Variants in PTH1R observed in about 807,000 individuals in gnomAD.
The protein encoded by PTH1R is parathyroid hormone/parathyroid hormone-related peptide receptor.
Under a neutral mutation model 70.7 loss-of-function variants are expected in PTH1R, and 32 were observed. The observed-to-expected ratio is 0.45, with a 90% confidence interval of 0.34 to 0.61. The LOEUF (loss-of-function observed/expected upper bound fraction) is 0.61, where lower values mean the gene tolerates loss of function less well. Ranked by LOEUF, PTH1R falls within the 20% of genes least tolerant of loss-of-function variation. The pLI is 0.01. For missense variants in PTH1R, 626 were observed against 792.5 expected (o/e 0.79, Z 2.52); for synonymous variants, 329 against 324.8 (o/e 1.01, Z -0.14).
rs774702999 is a variant in PTH1R at position 46,902,767 on chromosome 3, A to T, written c.1372A>T (p.Ile458Leu). ...NSFQGFFVAIIYCFCNGEVQA... is the reference protein window; with the variant it reads ...NSFQGFFVAILYCFCNGEVQA... ...TTCACAGGGATTTTTTGTCGCAATC[A>T]TATACTGTTTCTGCAATGGCGAGGT... Residue 458 changes from isoleucine (I) to leucine (L), a missense_variant, in exon 15 of 16, where the codon ATA (isoleucine) becomes TTA (leucine). Around this residue, in one of 3 missense-constraint regions of PTH1R, gnomAD observed 495 missense variants for 638.7 expected, o/e 0.77. Coordinates refer to ENST00000449590, the MANE Select transcript of PTH1R (RefSeq NM_000316.3). This position sits in a 1 kb window ranked among gnomAD's most constrained non-coding sequence, Gnocchi z 5.4. 2.2e-5 allele frequency: 35 copies of T among 1,613,382 alleles called. No homozygotes were observed. In the Admixed American group the frequency reaches 5.0e-4, roughly 23 times the overall value.
rs11926707 is a variant in PTH1R, at chr3:46,884,049, T to C, written c.75+415T>C. On this transcript the variant is annotated intron_variant, in intron 3 of 15. Coordinates refer to ENST00000449590, the MANE Select transcript of PTH1R (RefSeq NM_000316.3). The surrounding 1 kb of genome is among the most constrained non-coding windows in gnomAD (Gnocchi z 4.8). ...GTTGCAGTCCCGGACACAGGGAATG[T>C]AGGTCTGAGGTCAGAATCATCCAGG... 0.53 allele frequency among the ~76,000 whole-genome samples: 80,359 copies of C among 152,060 alleles called. 23,074 individuals carry two copies. The highest frequency in any genetic ancestry group is 0.65 in the East Asian group (3,350 of 5,156).
intron 7 of PTH1R, 56 bp from the exon 8 acceptor site, chr3:46,898,322 C>T (rs2031880017): frequency 6.3e-7 from 1 of 1,593,008 alleles, no homozygotes; most frequent in Non-Finnish European, 8.6e-7. Flanking sequence ...TGCTCTTACC[C>T]TGATGCTCTC....
At chr3:46,898,337 G>A in intron 7 of PTH1R, 41 bp from the exon 8 acceptor site, 1 of 1,602,374 alleles carries the variant, frequency 6.2e-7, no homozygotes, top group Non-Finnish European at 8.6e-7. Context: ...GCTCTCCCTG[G>A]GTCCCAGGGC....
chr3:46,892,919 G>A lies in PTH1R; in HGVS notation c.76-988G>A. ...ATGGGGCTGAGGGCTTCACAGCCCC[G>A]CCCTGGGGAGGTTTCAGAGACCGCC... On this transcript the variant is annotated intron_variant, in intron 3 of 15. Transcript: ENST00000449590. This position sits in a 1 kb window ranked among gnomAD's most constrained non-coding sequence, Gnocchi z 5.2. The A allele has an allele frequency of 1.7e-6, 1 of 604,818 alleles. No homozygotes were observed. Among genetic ancestry groups the A allele is most frequent in the Non-Finnish European group, 2.1e-6 (1 of 481,054 alleles). 37.5% of individuals were successfully genotyped at this position (604,818 alleles called of 1,614,324 possible).
chr3:46,898,988 C>T (rs536442743), intron 9 of PTH1R, 131 bp downstream of exon 9: 13 of 739,438 alleles, frequency 1.8e-5, no homozygotes, highest in African/African-American at 1.4e-4. Flanking sequence ...CACTCAAACC[C>T]GTCTTATAGG....
chr3:46,889,222 C>T (rs1395148707), intron 3 of PTH1R, among the ~76,000 whole-genome samples: 1 of 152,240 alleles, frequency 6.6e-6, no homozygotes, highest in Non-Finnish European at 1.5e-5. Context: ...TGGTTCCCAA[C>T]ACCAGAGCCC....
At chr3:46,885,435 A>G (rs1216825796) in intron 3 of PTH1R, among the ~76,000 whole-genome samples, 1 of 152,176 alleles carries the variant, frequency 6.6e-6, no homozygotes, top group Non-Finnish European at 1.5e-5. Context: ...CCACCCTCAG[A>G]GGAAGGTTAT....
rs528672988 is a variant in PTH1R at position 46,902,436 on chromosome 3, C to T, written c.1212-90C>T. 2.5e-5 allele frequency: 39 copies of T among 1,549,984 alleles called. No individual in the cohort carries two copies. In the East Asian group the frequency reaches 6.4e-4, roughly 26 times the overall value. ...GGAGCCCTGGGCCCCTTTGAGCTTCCGGAGCCTGGGGCTCGCAGGGTGGGG... is the reference window on the plus strand; with the variant it reads ...GGAGCCCTGGGCCCCTTTGAGCTTCTGGAGCCTGGGGCTCGCAGGGTGGGG... On this transcript the variant is annotated intron_variant, in intron 13 of 15. Coordinates refer to ENST00000449590, the MANE Select transcript of PTH1R (RefSeq NM_000316.3). The surrounding 1 kb of genome is among the most constrained non-coding windows in gnomAD (Gnocchi z 5.4).
intron 7 of PTH1R, 57 bp from the exon 8 acceptor site, chr3:46,898,321 C>G: frequency 6.3e-7 from 1 of 1,592,488 alleles, no homozygotes. Flanking sequence ...TTGCTCTTAC[C>G]CTGATGCTCT....
At position 46,903,198 on chromosome 3, in the gene PTH1R, G is replaced by A; in HGVS notation, c.1396-72G>A. 6.3e-7 allele frequency: 1 copy of A among 1,592,472 alleles called. No homozygotes were observed. The highest frequency in any genetic ancestry group is 8.5e-7 in the Non-Finnish European group (1 of 1,171,380). On this transcript the variant is annotated intron_variant, in intron 15 of 15. Coordinates refer to ENST00000449590, the MANE Select transcript of PTH1R (RefSeq NM_000316.3). This position sits in a 1 kb window ranked among gnomAD's most constrained non-coding sequence, Gnocchi z 4.4. Reference sequence around the variant, plus strand: ...TTCCCATTTTCATTCCGTGCTGGGTGTCCAGGGGCCGGGATGGGGCATCGC... The same window carrying A: ...TTCCCATTTTCATTCCGTGCTGGGTATCCAGGGGCCGGGATGGGGCATCGC...
intron 3 of PTH1R, among the ~76,000 whole-genome samples, chr3:46,890,581 G>A (rs1238765978): frequency 6.9e-6 from 1 of 144,696 alleles, no homozygotes; most frequent in Admixed American, 7.2e-5. Flanking sequence ...TCGGCTCACT[G>A]GAACCTCCGC....
rs1390637692 is a variant in PTH1R, at chr3:46,883,681, C to T, written c.75+47C>T. ...CTCCGGGACAGGCTGCGGGCTTACC[C>T]TAGGGTCCGCGGGATAGGTCTAAGG... On this transcript the variant is annotated intron_variant, in intron 3 of 15. Transcript: ENST00000449590. This position sits in a 1 kb window ranked among gnomAD's most constrained non-coding sequence, Gnocchi z 6.4. 5.2e-6 allele frequency: 8 copies of T among 1,542,486 alleles called. No homozygotes were observed. The highest frequency in any genetic ancestry group is 3.9e-5 in the Admixed American group (2 of 50,972).
chr3:46,891,400 G>T lies in PTH1R; in HGVS notation c.76-2507G>T, dbSNP rs775829574. On this transcript the variant is annotated intron_variant, in intron 3 of 15. Transcript: ENST00000449590. This position sits in a 1 kb window ranked among gnomAD's most constrained non-coding sequence, Gnocchi z 4.3. ...GTTTTCAACCCATGACTGCCTGCCT[G>T]CAGTCTAGGCCATCAGGGGTGACCC... Among the ~76,000 whole-genome samples the T allele has an allele frequency of 6.6e-6, 1 of 152,244 alleles. No homozygotes were observed. The highest frequency in any genetic ancestry group is 1.5e-5 in the Non-Finnish European group (1 of 68,042).
At chr3:46,886,909 A>C (rs1300845161) in intron 3 of PTH1R, among the ~76,000 whole-genome samples, 1 of 152,088 alleles carries the variant, frequency 6.6e-6, no homozygotes, top group East Asian at 1.9e-4. Flanking sequence ...GGAGATCCTC[A>C]TGTCTCACTC....
intron 1 of PTH1R, among the ~76,000 whole-genome samples, chr3:46,880,047 CAG>C (rs1553641005): frequency 1.3e-5 from 2 of 152,158 alleles, no homozygotes; most frequent in Non-Finnish European, 2.9e-5. Flanking sequence ...AGAAAAGAAA[CAG>C]AGGCATAATA....
Position 46,889,839 on chromosome 3 carries a change from T to C in PTH1R, c.76-4068T>C, listed in dbSNP as rs571707933. 9.2e-5 allele frequency among the ~76,000 whole-genome samples: 14 copies of C among 152,230 alleles called. No homozygotes were observed. The East Asian group carries it at 2.7e-3, about 29-fold the overall frequency. ...GTCCTCACCCCTGAGACCCAAGATCTGCAGATCCGCTGGATCTAAGGGGAC... is the reference window on the plus strand; with the variant it reads ...GTCCTCACCCCTGAGACCCAAGATCCGCAGATCCGCTGGATCTAAGGGGAC... On this transcript the variant is annotated intron_variant, in intron 3 of 15. Transcript: ENST00000449590.
chr3:46,895,570 A>T, intron 4 of PTH1R, 165 bp from the exon 5 acceptor site: 1 of 440,874 alleles, frequency 2.3e-6, no homozygotes, highest in Non-Finnish European at 3.0e-6. Flanking sequence ...ACACTTTGTT[A>T]AACACCTCCT....
chr3:46,898,589 C>T, intron 8 of PTH1R, 73 bp from the exon 9 acceptor site: 1 of 1,602,460 alleles, frequency 6.2e-7, no homozygotes, highest in Non-Finnish European at 8.5e-7. Context: ...ACCTACGGCG[C>T]ACAACCCAGC....
At position 46,893,051 on chromosome 3, in the gene PTH1R, G is replaced by C. The variant is rs1243642716; in HGVS notation, c.76-856G>C. On this transcript the variant is annotated intron_variant, in intron 3 of 15. Coordinates refer to ENST00000449590, the MANE Select transcript of PTH1R (RefSeq NM_000316.3). The surrounding 1 kb of genome is among the most constrained non-coding windows in gnomAD (Gnocchi z 5.2). Reference sequence around the variant, plus strand: ...ACCCCTCAGCAGCCACCTGCTCTGGGTGAGCCTCCACCCGCATGATATTTC... The same window carrying C: ...ACCCCTCAGCAGCCACCTGCTCTGGCTGAGCCTCCACCCGCATGATATTTC... 6.6e-6 allele frequency among the ~76,000 whole-genome samples: 1 copy of C among 152,188 alleles called. No homozygotes were observed. Among genetic ancestry groups the C allele is most frequent in the South Asian group, 2.1e-4 (1 of 4,830 alleles).
Sources: allele counts gnomAD v4.1 joint callset (sites outside exome capture counted in the v4.1 genomes callset), GRCh38; gene constraint gnomAD v4.1.1; regional missense constraint gnomAD v4.1.1; non-coding constraint Gnocchi (gnomAD v3.1); transcripts MANE v1.5; gene names NCBI Gene and HGNC (gene_info 2026-07-23, HGNC 2026-07-21).